RUNDC3B: variants seen among roughly 807,000 people sequenced by gnomAD.
The protein encoded by RUNDC3B is RUN domain containing 3B.
RUNDC3B carries 33 observed loss-of-function variants against 58.4 expected under a neutral mutation model. That is an observed-to-expected ratio of 0.56 (90% CI 0.43 to 0.75). The LOEUF (loss-of-function observed/expected upper bound fraction) is 0.75, where lower values mean the gene tolerates loss of function less well. Among genes scored for constraint, RUNDC3B ranks in the 30% least tolerant of loss-of-function variants. RUNDC3B has a pLI of 0.00. For synonymous variants in RUNDC3B, 193 were observed against 195.2 expected, an observed-to-expected ratio of 0.99 and a Z score of 0.10; for missense variants, 501 against 535.7, an observed-to-expected ratio of 0.94 and a Z score of 0.64.
At chr7:87,679,791 C>T (rs1826744375) in intron 2 of RUNDC3B, among the ~76,000 whole-genome samples, 1 of 150,126 alleles carries the variant, frequency 6.7e-6, no homozygotes, top group South Asian at 2.1e-4. Context: ...TTATTCTGAG[C>T]CATAAAAGAA....
At chr7:87,655,558 G>A (rs1824013199) in intron 2 of RUNDC3B, among the ~76,000 whole-genome samples, 1 of 152,130 alleles carries the variant, frequency 6.6e-6, no homozygotes, top group African/African-American at 2.4e-5. Context: ...TGGTTACCGT[G>A]TGCTGGAAGG....
intron 2 of RUNDC3B, among the ~76,000 whole-genome samples, chr7:87,688,386 A>G (rs937853147): frequency 6.6e-6 from 1 of 151,944 alleles, no homozygotes; most frequent in African/African-American, 2.4e-5. Flanking sequence ...ATATATACAT[A>G]TATATACACA....
chr7:87,684,173 G>A (rs188196757), intron 2 of RUNDC3B, among the ~76,000 whole-genome samples: 2 of 152,100 alleles, frequency 1.3e-5, no homozygotes, highest in African/African-American at 4.8e-5. Context: ...TTACAACAGG[G>A]TTTCTCAACA....
At chr7:87,730,671 A>G (rs922625021) in intron 4 of RUNDC3B, among the ~76,000 whole-genome samples, 2 of 151,546 alleles carry the variant, frequency 1.3e-5, no homozygotes, top group African/African-American at 4.9e-5. Context: ...GACCTGGTGG[A>G]ATTTGCCATC....
chr7:87,672,315 T>C (rs747876654), intron 2 of RUNDC3B, among the ~76,000 whole-genome samples: 7 of 152,178 alleles, frequency 4.6e-5, no homozygotes, highest in Admixed American at 1.3e-4. Context: ...CCACCTCTGG[T>C]CAGCTTGGAC....
chr7:87,735,249 T>C (rs1278363254), intron 4 of RUNDC3B, among the ~76,000 whole-genome samples: 2 of 152,214 alleles, frequency 1.3e-5, no homozygotes, highest in African/African-American at 4.8e-5. Context: ...GCAAGTCTTA[T>C]TGATCCTACC....
At chr7:87,810,292 TTA>T (rs1836643791) in intron 9 of RUNDC3B, among the ~76,000 whole-genome samples, 1 of 152,174 alleles carries the variant, frequency 6.6e-6, no homozygotes, top group African/African-American at 2.4e-5. Flanking sequence ...TAGGCAGCTT[TTA>T]TAGGCCAAAC....
chr7:87,710,541 T>A (rs1305732104), intron 3 of RUNDC3B, 29 bp from the exon 4 acceptor site: 3 of 1,357,540 alleles, frequency 2.2e-6, no homozygotes, highest in Non-Finnish European at 2.0e-6. Flanking sequence ...TAATTTTTTT[T>A]ATATTTGATT....
intron 7 of RUNDC3B, among the ~76,000 whole-genome samples, chr7:87,776,137 T>C (rs1834609471): frequency 1.3e-5 from 2 of 152,110 alleles, no homozygotes; most frequent in Non-Finnish European, 2.9e-5. Context: ...ACAATGGCAA[T>C]ATCAGTAGCA....
intron 6 of RUNDC3B, among the ~76,000 whole-genome samples, chr7:87,755,612 G>T (rs1833323600): frequency 1.3e-5 from 2 of 152,136 alleles, no homozygotes; most frequent in South Asian, 4.2e-4. Flanking sequence ...CATAAATAAA[G>T]ACAAAAACCA....
At chr7:87,672,711 G>T (rs925306012) in intron 2 of RUNDC3B, among the ~76,000 whole-genome samples, 2 of 152,188 alleles carry the variant, frequency 1.3e-5, no homozygotes, top group African/African-American at 2.4e-5. Context: ...GGGTTCACAA[G>T]GAGATCTCCT....
At chr7:87,675,653 C>CAAAAAAAAAAAAAAAAAAAGA (rs1826268571) in intron 2 of RUNDC3B, among the ~76,000 whole-genome samples, 2 of 65,848 alleles carry the variant, frequency 3.0e-5, no homozygotes. Flanking sequence ...TATTCACATG[C>CAAAAAAAAAAAAAAAAAAAGA]AAAAAAAAAA....
At chr7:87,733,468 A>G (rs1831722081) in intron 4 of RUNDC3B, among the ~76,000 whole-genome samples, 1 of 152,246 alleles carries the variant, frequency 6.6e-6, no homozygotes, top group Non-Finnish European at 1.5e-5. Context: ...AACATAATAA[A>G]AATTAAAACT....
At chr7:87,634,253 A>T (rs929011376) in intron 1 of RUNDC3B, among the ~76,000 whole-genome samples, 2 of 152,258 alleles carry the variant, frequency 1.3e-5, no homozygotes, top group Middle Eastern at 3.4e-3. Context: ...ATCACATTGG[A>T]GATCAAATTT....
chr7:87,730,224 C>T (rs539819612), intron 4 of RUNDC3B, among the ~76,000 whole-genome samples: 1 of 152,234 alleles, frequency 6.6e-6, no homozygotes, highest in East Asian at 1.9e-4. Flanking sequence ...GGGACTTTGT[C>T]TTAGAGATTA....
At chr7:87,743,220 T>C (rs1398696155) in intron 6 of RUNDC3B, among the ~76,000 whole-genome samples, 2 of 152,224 alleles carry the variant, frequency 1.3e-5, no homozygotes, top group East Asian at 3.8e-4. Context: ...ACTTGATTGA[T>C]GAGCATTTGG....
At chr7:87,753,468 G>T (rs1013537957) in intron 6 of RUNDC3B, among the ~76,000 whole-genome samples, 1 of 152,136 alleles carries the variant, frequency 6.6e-6, no homozygotes. Flanking sequence ...AATGTTGACA[G>T]TGGGGTGTTA....
chr7:87,664,238 G>A (rs1029603410), intron 2 of RUNDC3B, among the ~76,000 whole-genome samples: 31 of 152,122 alleles, frequency 2.0e-4, no homozygotes, highest in Middle Eastern at 3.4e-3. Flanking sequence ...AGGCAGGAGG[G>A]TCACTTGAGG....
intron 9 of RUNDC3B, among the ~76,000 whole-genome samples, chr7:87,808,846 G>A (rs1836567871): frequency 6.6e-6 from 1 of 151,952 alleles, no homozygotes; most frequent in Admixed American, 6.6e-5. Context: ...TAAATTTGTT[G>A]CAATACTTGG....
Sources: allele counts gnomAD v4.1 joint callset (sites outside exome capture counted in the v4.1 genomes callset), GRCh38; gene constraint gnomAD v4.1.1; transcripts MANE v1.5; gene names NCBI Gene and HGNC (gene_info 2026-07-23, HGNC 2026-07-21).